PLBD1: variants seen among roughly 807,000 people sequenced by gnomAD.
PLBD1 encodes the protein phospholipase B domain containing 1.
Under a neutral mutation model 63.0 loss-of-function variants are expected in PLBD1, and 60 were observed. The ratio of observed to expected loss-of-function variants is 0.95; its 90% CI spans 0.77 to 1.18. The LOEUF is 1.18. Among genes scored for constraint, PLBD1 ranks in the 50% most tolerant of loss-of-function variants. The pLI is 0.00. For missense variants in PLBD1, 598 were observed against 677.9 expected, an observed-to-expected ratio of 0.88 and a Z score of 1.31; for synonymous variants, 262 against 248.0, an observed-to-expected ratio of 1.06 and a Z score of -0.53.
chr12:14,539,156 A>G (rs1430972612), intron 4 of PLBD1, among the ~76,000 whole-genome samples: 1 of 152,206 alleles, frequency 6.6e-6, no homozygotes, highest in East Asian at 1.9e-4. Context: ...ATACTGTATA[A>G]TACATCCATA....
chr12:14,549,948 G>A (rs775348399), intron 2 of PLBD1, among the ~76,000 whole-genome samples: 9 of 152,154 alleles, frequency 5.9e-5, no homozygotes, highest in Admixed American at 3.9e-4. Context: ...GTTTACAGGC[G>A]TGAGACACCG....
chr12:14,543,701 G>A (rs1040888853), intron 2 of PLBD1, among the ~76,000 whole-genome samples: 2 of 151,984 alleles, frequency 1.3e-5, no homozygotes, highest in Non-Finnish European at 2.9e-5. Context: ...TTCCAGCCTG[G>A]GCAACAGAGC....
intron 6 of PLBD1, among the ~76,000 whole-genome samples, chr12:14,520,394 T>C (rs1383938553): frequency 3.3e-5 from 5 of 152,172 alleles, no homozygotes; most frequent in African/African-American, 4.8e-5. Context: ...AGGAAGGACA[T>C]TGGTTGCTGC....
At chr12:14,539,926 GTA>G (rs1458984240) in intron 4 of PLBD1, among the ~76,000 whole-genome samples, 2 of 143,380 alleles carry the variant, frequency 1.4e-5, no homozygotes, top group Non-Finnish European at 3.0e-5. Context: ...ACATGTACAT[GTA>G]TATATGTGTG....
intron 1 of PLBD1, among the ~76,000 whole-genome samples, chr12:14,562,289 T>A (rs1412517729): frequency 6.6e-6 from 1 of 151,848 alleles, no homozygotes; most frequent in Non-Finnish European, 1.5e-5. Context: ...GAAACTCCCG[T>A]CTCTACTTAA....
chr12:14,536,168 A>G, intron 5 of PLBD1: 2 of 247,342 alleles, frequency 8.1e-6, no homozygotes, highest in South Asian at 6.0e-5. Flanking sequence ...GCATGGTGGC[A>G]CACCCATGTA....
At chr12:14,562,996 C>T (rs969948833) in intron 1 of PLBD1, among the ~76,000 whole-genome samples, 64 of 151,988 alleles carry the variant, frequency 4.2e-4, no homozygotes, top group African/African-American at 1.5e-3. Context: ...AATAAGCCAC[C>T]ATGAATTTTT....
intron 8 of PLBD1, among the ~76,000 whole-genome samples, chr12:14,509,823 T>G (rs565170706): frequency 6.6e-6 from 1 of 152,210 alleles, no homozygotes; most frequent in East Asian, 1.9e-4. Flanking sequence ...TTCTAAAACA[T>G]AAAGTCTGAA....
At chr12:14,513,506 G>A (rs956407098) in intron 6 of PLBD1, among the ~76,000 whole-genome samples, 1 of 152,168 alleles carries the variant, frequency 6.6e-6, no homozygotes, top group Non-Finnish European at 1.5e-5. Context: ...TTCTAGCCTA[G>A]TATGGAATAA....
chr12:14,563,508 A>G (rs1326560483), intron 1 of PLBD1, among the ~76,000 whole-genome samples: 1 of 127,364 alleles, frequency 7.9e-6, no homozygotes, highest in East Asian at 2.3e-4. Context: ...ACAGAGCAAG[A>G]CTCTGTCTCA....
intron 2 of PLBD1, 30 bp downstream of exon 2, chr12:14,553,163 C>T (rs1191083998): frequency 1.3e-6 from 2 of 1,569,602 alleles, no homozygotes; most frequent in South Asian, 2.3e-5. Flanking sequence ...GGTTGCCTGG[C>T]AGTGGCTCTA....
chr12:14,551,241 T>C (rs1370222586), intron 2 of PLBD1, among the ~76,000 whole-genome samples: 1 of 151,876 alleles, frequency 6.6e-6, no homozygotes, highest in East Asian at 1.9e-4. Flanking sequence ...CGCGTACCTG[T>C]AGTCCCAGCT....
rs142865210 is a variant in PLBD1 at position 14,521,446 on chromosome 12, C to A, written c.845-9735G>T. On this transcript the variant is annotated intron_variant, in intron 6 of 10. Coordinates refer to ENST00000240617, the MANE Select transcript of PLBD1 (RefSeq NM_024829.6). ...CGCATGAAACAAACTGGCACCCTTG[C>A]CACAAGCAGAAAAGCCATGCATATG... Among the ~76,000 whole-genome samples, 398 of 152,108 alleles carry A rather than the reference C, an allele frequency of 2.6e-3. 3 individuals carry two copies. Among genetic ancestry groups the A allele is most frequent in the Middle Eastern group, 0.01 (3 of 294 alleles).
At chr12:14,567,250 A>G (rs754249424) in intron 1 of PLBD1, among the ~76,000 whole-genome samples, 3 of 152,262 alleles carry the variant, frequency 2.0e-5, no homozygotes, top group Non-Finnish European at 4.4e-5. Context: ...CAATCTGGAT[A>G]AATATATTTA....
intron 2 of PLBD1, among the ~76,000 whole-genome samples, chr12:14,543,770 A>G (rs1945594036): frequency 6.6e-6 from 1 of 152,144 alleles, no homozygotes; most frequent in Admixed American, 6.6e-5. Flanking sequence ...TTACAATTAA[A>G]TTGTATTAAT....
At chr12:14,551,113 C>G (rs1252776629) in intron 2 of PLBD1, among the ~76,000 whole-genome samples, 1 of 151,694 alleles carries the variant, frequency 6.6e-6, no homozygotes, top group Non-Finnish European at 1.5e-5. Context: ...GCCTGTAATC[C>G]CAGCACTTTG....
At chr12:14,539,676 C>T (rs898332697) in intron 4 of PLBD1, among the ~76,000 whole-genome samples, 3 of 151,130 alleles carry the variant, frequency 2.0e-5, no homozygotes, top group Admixed American at 6.6e-5. Context: ...GTCCCAGCTA[C>T]TCGGGAGGAT....
At position 14,540,106 on chromosome 12, in the gene PLBD1, T is replaced by TTTTTTATATATA. The variant is rs71448876; in HGVS notation, c.558+657_558+658insTATATATAAAAA. ...AAAAGAGAGTTATATAATATAAATA[T>TTTTTTATATATA]TATTTATATATATATATATATATAT... On this transcript the variant is annotated intron_variant, in intron 4 of 10. Transcript: ENST00000240617. Among the ~76,000 whole-genome samples the TTTTTTATATATA allele has an allele frequency of 6.5e-3, 417 of 64,024 alleles. 24 individuals are homozygous for TTTTTTATATATA. The highest frequency in any genetic ancestry group is 0.024 in the African/African-American group (404 of 17,098). The allele number at this position is 64,024 out of a possible 152,430, so 42.0% of individuals were successfully genotyped here.
At chr12:14,558,285 C>A (rs1337830763) in intron 1 of PLBD1, among the ~76,000 whole-genome samples, 2 of 152,014 alleles carry the variant, frequency 1.3e-5, no homozygotes, top group African/African-American at 2.4e-5. Context: ...GAAGTAATGG[C>A]ATTAAGAAAT....
Sources: allele counts gnomAD v4.1 joint callset (sites outside exome capture counted in the v4.1 genomes callset), GRCh38; gene constraint gnomAD v4.1.1; transcripts MANE v1.5; gene names NCBI Gene and HGNC (gene_info 2026-07-23, HGNC 2026-07-21).